SMG1: variants seen among roughly 807,000 people sequenced by gnomAD.
The protein encoded by SMG1 is serine/threonine-protein kinase SMG1.
SMG1 carries 22 observed loss-of-function variants against 419.9 expected under a neutral mutation model. That is an observed-to-expected ratio of 0.05 (90% CI 0.04 to 0.07). The LOEUF (loss-of-function observed/expected upper bound fraction) is 0.07. SMG1 is among the 10% of genes least tolerant of loss of function. The pLI is 1.00. For missense variants in SMG1, 3,185 were observed against 4,342.0 expected, an observed-to-expected ratio of 0.73 and a Z score of 7.49; for synonymous variants, 1,538 against 1,553.5, an observed-to-expected ratio of 0.99 and a Z score of 0.23.
In SMG1 at chr16:18,829,913, G is replaced by C. The variant is rs778410323; in HGVS notation, c.9133+13C>G. On this transcript the variant is annotated intron_variant, in intron 53 of 62. Transcript: ENST00000446231. ...CATAGCTAAAGCTAGTATGTTTACA[G>C]GTAGAATATTACCTGACAATGTTTT... is the stretch of plus-strand genomic sequence containing the variant. 1.3e-6 allele frequency: 2 copies of C among 1,525,384 alleles called. No homozygotes were observed. Among genetic ancestry groups the C allele is most frequent in the Admixed American group, 2.2e-5 (1 of 44,554 alleles). The allele number at this position is 1,525,384 out of a possible 1,614,324, so 94.5% of individuals were successfully genotyped here. A position where few individuals can be genotyped will look rare whatever the true frequency, so the allele number is the denominator to read the frequency against.
At chr16:18,810,402 G>A (rs1039389485) in intron 62 of SMG1, among the ~76,000 whole-genome samples, 2 of 152,142 alleles carry the variant, frequency 1.3e-5, no homozygotes, top group Non-Finnish European at 2.9e-5. Context: ...AAATATCAAC[G>A]GAAGAGAAGA....
chr16:18,906,845 G>A (rs1305833793), intron 1 of SMG1, among the ~76,000 whole-genome samples: 5 of 152,146 alleles, frequency 3.3e-5, no homozygotes, highest in Non-Finnish European at 5.9e-5. Context: ...ATGACCTCCA[G>A]GCTGCTAAAT....
At chr16:18,809,748 GGACTCTATACTTACCCTGCTCCT>G (rs1311611211) in intron 62 of SMG1, 102 bp from the exon 63 acceptor site, 1 of 835,264 alleles carries the variant, frequency 1.2e-6, no homozygotes, top group African/African-American at 1.7e-5. Context: ...TAAGTGCAAA[GGACTCTATACTTACCCTGCTCCT>G]GTAAGCCCCT....
At chr16:18,854,291 T>C (rs61039724) in intron 30 of SMG1, among the ~76,000 whole-genome samples, 46,608 of 151,394 alleles carry the variant, frequency 0.31, 7,914 homozygotes, top group Non-Finnish European at 0.38. Flanking sequence ...TTTCACTCTG[T>C]TGCCCAGGCT....
intron 5 of SMG1, among the ~76,000 whole-genome samples, chr16:18,890,406 G>A (rs1189671413): frequency 2.0e-5 from 3 of 152,352 alleles, no homozygotes; most frequent in African/African-American, 7.2e-5. Flanking sequence ...GGGAGGCTAA[G>A]GTGGGTGGAT....
intron 1 of SMG1, among the ~76,000 whole-genome samples, chr16:18,920,239 G>A (rs34483528): frequency 0.31 from 46,836 of 151,890 alleles, 7,961 homozygotes; most frequent in Non-Finnish European, 0.39. Context: ...AAAGTTAGCC[G>A]GGTGTGGTGG....
Position 18,829,765 on chromosome 16 carries a change from G to A in SMG1, c.9134-10C>T. On this transcript the variant is annotated splice_polypyrimidine_tract_variant and intron_variant, in intron 53 of 62. Transcript: ENST00000446231. ...TCAAGTGAACTTGATCCTACAAAAA[G>A]GAAAAATTTCTTGTATTTCATGAAA... 1.9e-6 allele frequency: 3 copies of A among 1,579,076 alleles called. No homozygotes were observed. The highest frequency in any genetic ancestry group is 1.1e-5 in the South Asian group (1 of 87,226).
chr16:18,809,853 C>A (rs2031205318), intron 62 of SMG1, among the ~76,000 whole-genome samples: 1 of 151,856 alleles, frequency 6.6e-6, no homozygotes, highest in Admixed American at 6.6e-5. Flanking sequence ...AAAAAGAGAG[C>A]TAAGACAGTT....
At chr16:18,811,094 A>G (rs1345623046) in intron 62 of SMG1, among the ~76,000 whole-genome samples, 2 of 152,206 alleles carry the variant, frequency 1.3e-5, no homozygotes, top group Non-Finnish European at 2.9e-5. Context: ...ACATAGGTTG[A>G]GTATCCCTTA....
At chr16:18,818,202 G>A (rs2032189963) in intron 56 of SMG1, among the ~76,000 whole-genome samples, 1 of 152,036 alleles carries the variant, frequency 6.6e-6, no homozygotes, top group South Asian at 2.1e-4. Context: ...GGCCAACATG[G>A]TGAAACCCCG....
rs765982017 is a variant in SMG1 at position 18,885,104 on chromosome 16, G to A, written c.1007C>T (p.Thr336Met). ...GCAAGACTTACCAGATACCTGCTGC[G>A]TGAGCGAAGGTTTCTGAGTATGATC... is the stretch of plus-strand genomic sequence containing the variant. ...HIDHTQKPSLTQQVSGWLQSL... is the reference protein window; with the variant it reads ...HIDHTQKPSLMQQVSGWLQSL... The change falls in exon 8 of 63, where the codon ACG becomes ATG. Residue 336 changes from threonine to methionine, a missense_variant. Physicochemically the swap from Thr to Met is moderately conservative, Grantham distance 81. Transcript: ENST00000446231. 5.6e-5 allele frequency: 52 copies of A among 924,202 alleles called. No homozygotes were observed. The highest frequency in any genetic ancestry group is 5.4e-4 in the Admixed American group (24 of 44,804). The allele number at this position is 924,202 out of a possible 1,614,324, so 57.3% of individuals were successfully genotyped here.
chr16:18,870,483 T>C, intron 18 of SMG1, 127 bp downstream of exon 18: 1 of 678,196 alleles, frequency 1.5e-6, no homozygotes. Flanking sequence ...CTTCAATCAC[T>C]GACAAACAGG....
At chr16:18,840,900 T>A (rs148225480) in intron 41 of SMG1, among the ~76,000 whole-genome samples, 2 of 152,258 alleles carry the variant, frequency 1.3e-5, no homozygotes, top group Non-Finnish European at 2.9e-5. Flanking sequence ...TTGCCTCTTA[T>A]ATAACTATTT....
At position 18,842,451 on chromosome 16, in the gene SMG1, T is replaced by C; in HGVS notation, c.6223A>G (p.Met2075Val). The C allele has an allele frequency of 5.0e-6, 8 of 1,612,844 alleles. No individual in the cohort carries two copies. The highest frequency in any genetic ancestry group is 6.8e-6 in the Non-Finnish European group (8 of 1,179,148). ...TGTGCTCTCTGTTGCAAACTTAGCA[T>C]TATCTATATTCATAAGATGGGAGAA... ...GSSWIPFKEI[M>V]LSLQQRAQKR... Residue 2075 changes from methionine (M) to valine (V), a missense_variant, in exon 40 of 63, where the codon ATG becomes GTG. Transcript: ENST00000446231.
chr16:18,809,543 A>G lies in SMG1; in HGVS notation c.*26T>C, dbSNP rs1335010956. 6.3e-7 allele frequency: 1 copy of G among 1,584,072 alleles called. No homozygotes were observed. Among genetic ancestry groups the G allele is most frequent in the Non-Finnish European group, 8.6e-7 (1 of 1,157,108 alleles). On this transcript the variant is annotated 3_prime_UTR_variant, in exon 63 of 63. Transcript: ENST00000446231. ...TCTGGTGGATGTCTGACCTCGCTTA[A>G]CCAGACTCATCTACTGTCTTGCCAT...
At chr16:18,917,865 C>T (rs1416482330) in intron 1 of SMG1, among the ~76,000 whole-genome samples, 1 of 151,836 alleles carries the variant, frequency 6.6e-6, no homozygotes, top group East Asian at 2.0e-4. Context: ...GCATGAGCCA[C>T]CACGCCCAGC....
At chr16:18,891,903 A>G (rs2036898293) in intron 4 of SMG1, among the ~76,000 whole-genome samples, 1 of 152,190 alleles carries the variant, frequency 6.6e-6, no homozygotes. Flanking sequence ...CCTGGGCTCA[A>G]GTGATTCTTC....
At chr16:18,901,738 G>A (rs183230452) in intron 1 of SMG1, among the ~76,000 whole-genome samples, 23 of 152,226 alleles carry the variant, frequency 1.5e-4, no homozygotes, top group Admixed American at 1.4e-3. Context: ...ACTTTGGGAG[G>A]CCAAGGCAGG....
At position 18,873,043 on chromosome 16, in the gene SMG1, A is replaced by G. The variant is rs144218580; in HGVS notation, c.1891-419T>C. On this transcript the variant is annotated intron_variant, in intron 13 of 62. Coordinates refer to ENST00000446231, the MANE Select transcript of SMG1 (RefSeq NM_015092.5). ...GTGGCATACACTTGTAATCCCAGCT[A>G]CTCGGGAGGCTGAGGCAGGAGAATC... is the stretch of plus-strand genomic sequence containing the variant. 6.7e-3 allele frequency among the ~76,000 whole-genome samples: 1,012 copies of G among 152,080 alleles called. 9 individuals are homozygous for G. The highest frequency in any genetic ancestry group is 0.022 in the African/African-American group (896 of 41,494).
Sources: allele counts gnomAD v4.1 joint callset (sites outside exome capture counted in the v4.1 genomes callset), GRCh38; gene constraint gnomAD v4.1.1; transcripts MANE v1.5; gene names NCBI Gene and HGNC (gene_info 2026-07-23, HGNC 2026-07-21).